SERPINB10: variants seen among roughly 807,000 people sequenced by gnomAD.
The protein encoded by SERPINB10 is serpin B10.
A neutral mutation model predicts 39.1 loss-of-function variants in SERPINB10; 35 were observed. That is an observed-to-expected ratio of 0.90 (90% CI 0.68 to 1.19). The LOEUF is 1.19. SERPINB10 is among the 50% of genes most tolerant of loss of function. SERPINB10 has a pLI of 0.00. For missense variants in SERPINB10, 546 were observed against 460.5 expected (o/e 1.19, Z -1.70); for synonymous variants, 190 against 158.1 (o/e 1.20, Z -1.52).
chr18:63,911,906 G>A (rs988993203), intron 1 of SERPINB10, among the ~76,000 whole-genome samples: 2 of 151,524 alleles, frequency 1.3e-5, no homozygotes, highest in African/African-American at 2.4e-5. Flanking sequence ...TCCTGTCCAT[G>A]AGCATGGAAT....
chr18:63,914,600 T>C (rs576473638), intron 1 of SERPINB10, among the ~76,000 whole-genome samples: 6 of 152,162 alleles, frequency 3.9e-5, no homozygotes, highest in Non-Finnish European at 8.8e-5. Context: ...GTATGGTATA[T>C]TGGCTTTGGT....
intron 5 of SERPINB10, among the ~76,000 whole-genome samples, chr18:63,929,458 T>A (rs528519619): frequency 1.3e-4 from 20 of 151,800 alleles, no homozygotes; most frequent in Non-Finnish European, 2.5e-4. Flanking sequence ...AAATGATGAA[T>A]AGAGTATATT....
intron 5 of SERPINB10, among the ~76,000 whole-genome samples, chr18:63,927,059 A>C (rs903584836): frequency 6.6e-6 from 1 of 151,924 alleles, no homozygotes; most frequent in Non-Finnish European, 1.5e-5. Flanking sequence ...ATTTGCAAAT[A>C]ATAATTTTGT....
Position 63,917,439 on chromosome 18 carries a change from T to A in SERPINB10, c.169-17T>A. 6.6e-7 allele frequency: 1 copy of A among 1,508,862 alleles called. No individual in the cohort carries two copies. The highest frequency in any genetic ancestry group is 9.0e-7 in the Non-Finnish European group (1 of 1,109,390). The allele number at this position is 1,508,862 out of a possible 1,614,324, so 93.5% of individuals were successfully genotyped here. A position where few individuals can be genotyped will look rare whatever the true frequency, so the allele number is the denominator to read the frequency against. On this transcript the variant is annotated splice_polypyrimidine_tract_variant and intron_variant, in intron 2 of 7. Transcript: ENST00000238508. Reference sequence around the variant, plus strand: ...TTCTCTGCAGTCTATTCATTTGTATTTTTATTGAAATTACAGGTGCTTCAA... The same window carrying A: ...TTCTCTGCAGTCTATTCATTTGTATATTTATTGAAATTACAGGTGCTTCAA...
At chr18:63,922,483 A>G (rs139861605) in intron 5 of SERPINB10, among the ~76,000 whole-genome samples, 47 of 152,068 alleles carry the variant, frequency 3.1e-4, no homozygotes, top group African/African-American at 1.0e-3. Context: ...GCAAAATGTT[A>G]TGTTTTAGAT....
chr18:63,932,084 C>T (rs998285022), intron 6 of SERPINB10, among the ~76,000 whole-genome samples: 2 of 152,144 alleles, frequency 1.3e-5, no homozygotes, highest in African/African-American at 4.8e-5. Flanking sequence ...CTTCATAGAT[C>T]TTTTTGTTTT....
intron 5 of SERPINB10, among the ~76,000 whole-genome samples, chr18:63,926,557 C>A (rs1027488758): frequency 7.9e-5 from 12 of 151,956 alleles, no homozygotes; most frequent in Non-Finnish European, 1.2e-4. Context: ...TGAATATTAT[C>A]TTGATTAAAC....
chr18:63,925,601 A>G (rs571004164), intron 5 of SERPINB10, among the ~76,000 whole-genome samples: 2 of 152,152 alleles, frequency 1.3e-5, no homozygotes, highest in African/African-American at 4.8e-5. Flanking sequence ...ATTATAACCC[A>G]TAGAATAAAG....
intron 5 of SERPINB10, among the ~76,000 whole-genome samples, chr18:63,921,098 ATAT>A (rs2050143720): frequency 6.6e-6 from 1 of 151,962 alleles, no homozygotes. Context: ...ATTTCAATTG[ATAT>A]TATATTATAT....
rs1316946616 is a variant in SERPINB10 at position 63,920,283 on chromosome 18, A to G, written c.490+378A>G. On this transcript the variant is annotated intron_variant, in intron 5 of 7. Transcript: ENST00000238508. ...AGAAATGTGGCATTAAATGTGCTAT[A>G]GAATCTTAAATACTTTTCAAAGTAA... Among the ~76,000 whole-genome samples, 8 of 152,202 alleles carry G rather than the reference A, an allele frequency of 5.3e-5. No individual in the cohort carries two copies. The South Asian group carries it at 1.7e-3, about 32-fold the overall frequency.
intron 4 of SERPINB10, among the ~76,000 whole-genome samples, chr18:63,918,920 A>G (rs1436472013): frequency 6.6e-6 from 1 of 151,972 alleles, no homozygotes; most frequent in Non-Finnish European, 1.5e-5. Context: ...ACATATTTTT[A>G]TATGTCCACA....
chr18:63,913,316 G>C (rs1407166523), intron 1 of SERPINB10, among the ~76,000 whole-genome samples: 1 of 151,832 alleles, frequency 6.6e-6, no homozygotes, highest in Non-Finnish European at 1.5e-5. Flanking sequence ...TCTTTTGGAA[G>C]TTTTAGCATT....
intron 1 of SERPINB10, among the ~76,000 whole-genome samples, chr18:63,913,375 A>G (rs2050078896): frequency 6.6e-6 from 1 of 151,960 alleles, no homozygotes; most frequent in African/African-American, 2.4e-5. Context: ...TTCGATAGTT[A>G]ATATGAAATA....
chr18:63,923,601 C>A (rs1462040963), intron 5 of SERPINB10, among the ~76,000 whole-genome samples: 2 of 151,934 alleles, frequency 1.3e-5, no homozygotes, highest in African/African-American at 4.8e-5. Flanking sequence ...ATGTTCTAGG[C>A]AGGGGTCTTT....
At chr18:63,922,786 C>T (rs957730065) in intron 5 of SERPINB10, among the ~76,000 whole-genome samples, 1 of 151,904 alleles carries the variant, frequency 6.6e-6, no homozygotes, top group African/African-American at 2.4e-5. Context: ...CTGCACTGTC[C>T]AGTGGAGTAG....
chr18:63,912,590 C>G (rs6567404), intron 1 of SERPINB10, among the ~76,000 whole-genome samples: 56,574 of 151,792 alleles, frequency 0.37, 14,058 homozygotes, highest in African/African-American at 0.7. Context: ...TTACTGACTT[C>G]TGTATGTTGA....
intron 7 of SERPINB10, among the ~76,000 whole-genome samples, chr18:63,934,385 T>A (rs1481544569): frequency 6.6e-6 from 1 of 152,210 alleles, no homozygotes; most frequent in East Asian, 1.9e-4. Context: ...TAATTATTAA[T>A]CTCACGTTGT....
intron 1 of SERPINB10, 87 bp from the exon 2 acceptor site, chr18:63,915,415 G>A: frequency 2.2e-6 from 2 of 905,236 alleles, no homozygotes; most frequent in Non-Finnish European, 3.4e-6. Context: ...ATATGGATAT[G>A]TATGCAACTA....
chr18:63,908,820 G>C (rs1042686060), intron 1 of SERPINB10, among the ~76,000 whole-genome samples: 1 of 151,946 alleles, frequency 6.6e-6, no homozygotes, highest in Non-Finnish European at 1.5e-5. Flanking sequence ...TGGAAAACGG[G>C]ACAAGAATCC....
Sources: gnomAD v4.1 joint callset for allele counts (sites outside exome capture counted in the v4.1 genomes callset) on GRCh38, gnomAD v4.1.1 for gene constraint, MANE v1.5 for transcripts, NCBI Gene and HGNC (gene_info 2026-07-23, HGNC 2026-07-21) for gene names.